LIMD1: variants seen among roughly 807,000 people sequenced by gnomAD.
LIMD1 encodes the protein LIM domain-containing protein 1.
Under a neutral mutation model 58.4 loss-of-function variants are expected in LIMD1, and 23 were observed. The ratio of observed to expected loss-of-function variants is 0.39; its 90% CI spans 0.28 to 0.56. LIMD1 has a LOEUF of 0.56. Ranked by LOEUF, LIMD1 falls within the 20% of genes least tolerant of loss-of-function variation. The pLI is 0.57. For missense variants in LIMD1, 838 were observed against 855.5 expected (o/e 0.98, Z 0.25); for synonymous variants, 334 against 345.5 (o/e 0.97, Z 0.37).
chr3:45,616,757 CTT>C (rs1335272194), intron 1 of LIMD1, among the ~76,000 whole-genome samples: 8 of 141,960 alleles, frequency 5.6e-5, no homozygotes, highest in Non-Finnish European at 6.2e-5. Context: ...ATGAGAAAGT[CTT>C]TTTTTTTTTT....
intron 1 of LIMD1, among the ~76,000 whole-genome samples, chr3:45,604,829 C>T (rs1380122702): frequency 1.3e-5 from 2 of 152,178 alleles, no homozygotes; most frequent in African/African-American, 2.4e-5. Flanking sequence ...GTCCTCCCTC[C>T]TTGGTATGGT....
At chr3:45,646,961 C>T (rs1021752563) in intron 2 of LIMD1, among the ~76,000 whole-genome samples, 5 of 152,120 alleles carry the variant, frequency 3.3e-5, no homozygotes, top group African/African-American at 9.7e-5. Context: ...CCACAATGCC[C>T]GGCCTCTAAA....
chr3:45,636,060 G>GA (rs1701784875), intron 1 of LIMD1, 90 bp from the exon 2 acceptor site: 1 of 1,575,758 alleles, frequency 6.3e-7, no homozygotes, highest in Admixed American at 1.9e-5. Context: ...CATGGGGAGG[G>GA]ATGGTATTAT....
intron 7 of LIMD1, among the ~76,000 whole-genome samples, chr3:45,675,202 CCT>C (rs1697651448): frequency 1.3e-5 from 2 of 152,288 alleles, no homozygotes; most frequent in African/African-American, 4.8e-5. Context: ...GCTCAACAGG[CCT>C]CTCCACATTT....
At chr3:45,615,050 G>C (rs1353294805) in intron 1 of LIMD1, among the ~76,000 whole-genome samples, 1 of 151,912 alleles carries the variant, frequency 6.6e-6, no homozygotes, top group Non-Finnish European at 1.5e-5. Flanking sequence ...GTCCTGGTGG[G>C]GTCTGAAAAC....
chr3:45,601,766 A>G (rs1182632347), intron 1 of LIMD1, among the ~76,000 whole-genome samples: 3 of 152,146 alleles, frequency 2.0e-5, no homozygotes, highest in Admixed American at 2.0e-4. Flanking sequence ...CTCCCATACC[A>G]GTCGGGATTT....
intron 1 of LIMD1, among the ~76,000 whole-genome samples, chr3:45,621,999 G>A (rs148382479): frequency 6.6e-6 from 1 of 150,744 alleles, no homozygotes; most frequent in African/African-American, 2.4e-5. Flanking sequence ...GGAGTTGGAG[G>A]CTGCAGTGAG....
At position 45,595,949 on chromosome 3, in the gene LIMD1, T is replaced by A; in HGVS notation, c.1070T>A (p.Leu357Gln). The change falls in exon 1 of 8, where the codon CTG (leucine) becomes CAG (glutamine). Residue 357 changes from leucine to glutamine, a missense_variant. Transcript: ENST00000273317. ...SSAPSSSPAG[L>Q]DGSQQGAVPG... is the part of the protein sequence containing the mutation. ...GCCCCGTCATCCTCGCCAGCTGGTC[T>A]GGACGGTTCACAGCAGGGTGCGGTC... The A allele has an allele frequency of 1.2e-6, 2 of 1,614,204 alleles. No individual in the cohort carries two copies. The highest frequency in any genetic ancestry group is 1.7e-6 in the Non-Finnish European group (2 of 1,180,020).
chr3:45,624,433 C>T (rs938815148), intron 1 of LIMD1, among the ~76,000 whole-genome samples: 6 of 152,060 alleles, frequency 3.9e-5, no homozygotes, highest in African/African-American at 9.7e-5. Flanking sequence ...ATCGGCCAGG[C>T]GCGGTGTCTC....
intron 2 of LIMD1, among the ~76,000 whole-genome samples, chr3:45,637,431 C>G (rs760258157): frequency 2.6e-5 from 4 of 152,122 alleles, no homozygotes; most frequent in Non-Finnish European, 5.9e-5. Flanking sequence ...CAGATGTGCA[C>G]CAGCACGCCC....
Position 45,595,034 on chromosome 3 carries a change from T to A in LIMD1, c.155T>A (p.Met52Lys), listed in dbSNP as rs1701329067. ...EETRRVFATK[M>K]AKIHLQQQQQ... ...ACTCGCAGGGTGTTCGCCACCAAGA[T>A]GGCCAAAATCCACCTCCAGCAGCAG... The change falls in exon 1 of 8, where the codon ATG (methionine) becomes AAG (lysine). Residue 52 changes from methionine (M) to lysine (K), a missense_variant. Transcript: ENST00000273317. The A allele has an allele frequency of 6.2e-7, 1 of 1,613,704 alleles. No individual in the cohort carries two copies. The highest frequency in any genetic ancestry group is 1.3e-5 in the African/African-American group (1 of 74,950).
intron 7 of LIMD1, chr3:45,674,678 G>A: frequency 2.7e-6 from 1 of 364,976 alleles, no homozygotes; most frequent in Non-Finnish European, 5.1e-6. Flanking sequence ...TGCAGAGCTA[G>A]GAGGGTCGTG....
intron 1 of LIMD1, among the ~76,000 whole-genome samples, chr3:45,618,229 GAGA>G (rs1450889947): frequency 6.6e-6 from 1 of 152,178 alleles, no homozygotes; most frequent in Non-Finnish European, 1.5e-5. Context: ...AGGGAGCTGT[GAGA>G]AGGAGAGAAG....
chr3:45,680,319 CTT>C lies in LIMD1; in HGVS notation c.*3270_*3271del, dbSNP rs911264000. 4 of 146,702 alleles carry C rather than the reference CTT, an allele frequency of 2.7e-5. No homozygotes were observed. Among genetic ancestry groups the C allele is most frequent in the Non-Finnish European group, 3.0e-5 (2 of 66,280 alleles). The allele number at this position is 146,702 out of a possible 1,614,324, so 9.1% of individuals were successfully genotyped here. ...AGGAAACCAAATTTTCTTTTCTTTT[CTT>C]TTTTTTTTTGAGACAGGGCCTCACT... On this transcript the variant is annotated 3_prime_UTR_variant, in exon 8 of 8. Transcript: ENST00000273317.
intron 1 of LIMD1, among the ~76,000 whole-genome samples, chr3:45,609,005 A>G (rs2125650216): frequency 6.6e-6 from 1 of 152,326 alleles, no homozygotes. Context: ...ACCCAATCAG[A>G]ATAAAAAAGG....
At chr3:45,606,176 C>T (rs1179224022) in intron 1 of LIMD1, among the ~76,000 whole-genome samples, 2 of 152,208 alleles carry the variant, frequency 1.3e-5, no homozygotes, top group East Asian at 3.8e-4. Context: ...TTTATTAACC[C>T]CATTTCACAG....
chr3:45,660,420 T>C, intron 2 of LIMD1, among the ~76,000 whole-genome samples: 1 of 147,926 alleles, frequency 6.8e-6, no homozygotes, highest in South Asian at 2.2e-4. Flanking sequence ...TTTTTTTTTT[T>C]TTTTTTTTTT....
At chr3:45,660,758 G>A (rs1458991781) in intron 2 of LIMD1, among the ~76,000 whole-genome samples, 1 of 152,132 alleles carries the variant, frequency 6.6e-6, no homozygotes, top group African/African-American at 2.4e-5. Flanking sequence ...TCCTGGGGAG[G>A]GACAGAGGGC....
chr3:45,658,417 G>A (rs1050771267), intron 2 of LIMD1, among the ~76,000 whole-genome samples: 2 of 151,944 alleles, frequency 1.3e-5, no homozygotes, highest in Non-Finnish European at 2.9e-5. Flanking sequence ...TAGCCAGCTG[G>A]GCAATTTTTT....
Sources: gnomAD v4.1 joint callset for allele counts (sites outside exome capture counted in the v4.1 genomes callset) on GRCh38, gnomAD v4.1.1 for gene constraint, MANE v1.5 for transcripts, NCBI Gene and HGNC (gene_info 2026-07-23, HGNC 2026-07-21) for gene names.